Variants in TIMD4 observed in about 807,000 individuals in gnomAD.
TIMD4 encodes T cell immunoglobulin and mucin domain containing 4, also known as T-cell immunoglobulin and mucin domain-containing protein 4.
Under a neutral mutation model 41.2 loss-of-function variants are expected in TIMD4, and 31 were observed. The ratio of observed to expected loss-of-function variants is 0.75; its 90% CI spans 0.57 to 1.01. The LOEUF is 1.01. TIMD4 is among the 50% of genes least tolerant of loss of function. TIMD4 has a pLI of 0.00. For synonymous variants in TIMD4, 204 were observed against 177.1 expected, an observed-to-expected ratio of 1.15 and a Z score of -1.21; for missense variants, 479 against 472.5, an observed-to-expected ratio of 1.01 and a Z score of -0.13.
At chr5:156,960,277 TA>T (rs200459641) in intron 1 of TIMD4, among the ~76,000 whole-genome samples, 14 of 150,726 alleles carry the variant, frequency 9.3e-5, no homozygotes, top group African/African-American at 3.2e-4. Flanking sequence ...ACAAAGACAG[TA>T]AAAAAAAATT....
At chr5:156,946,553 T>C (rs1355177225) in intron 5 of TIMD4, among the ~76,000 whole-genome samples, 1 of 152,130 alleles carries the variant, frequency 6.6e-6, no homozygotes, top group Non-Finnish European at 1.5e-5. Flanking sequence ...CTCGGCTCAC[T>C]GCAAGCTCCG....
At chr5:156,940,600 C>T (rs999739020) in intron 5 of TIMD4, among the ~76,000 whole-genome samples, 2 of 142,684 alleles carry the variant, frequency 1.4e-5, no homozygotes, top group Non-Finnish European at 3.0e-5. Flanking sequence ...CGCCTCTGCC[C>T]GGCCGCCCCG....
chr5:156,936,932 GAAAAAAAAA>G (rs979433463), intron 5 of TIMD4, among the ~76,000 whole-genome samples: 4 of 92,614 alleles, frequency 4.3e-5, no homozygotes, highest in South Asian at 3.8e-4. Context: ...ACTCCGTCTG[GAAAAAAAAA>G]AAAAAAAAAA....
chr5:156,922,069 G>A, intron 7 of TIMD4, 30 bp downstream of exon 7: 1 of 1,572,026 alleles, frequency 6.4e-7, no homozygotes. Flanking sequence ...GGGTTCTGAA[G>A]TGCTCCATCA....
Position 156,951,788 on chromosome 5 carries a change from A to G in TIMD4, c.403T>C (p.Ser135Pro). The change falls in exon 3 of 9, where the codon TCA becomes CCA. Residue 135 changes from serine to proline, a missense_variant and splice_region_variant. By Grantham distance (74) the Ser-to-Pro change is moderately conservative (BLOSUM62 -1). Transcript: ENST00000274532. Reference sequence around the variant, plus strand: ...GTTGCTGTTCTGTGCGTGGTTGTTGAGGCTGTAACCAACAACAGACATGTT... The same window carrying G: ...GTTGCTGTTCTGTGCGTGGTTGTTGGGGCTGTAACCAACAACAGACATGTT... The part of the protein sequence containing the change: ...INVRLNLQRA[S>P]TTTHRTATTT... 1.2e-6 allele frequency: 2 copies of G among 1,613,836 alleles called. No homozygotes were observed. Among genetic ancestry groups the G allele is most frequent in the Non-Finnish European group, 1.7e-6 (2 of 1,179,924 alleles).
chr5:156,956,437 C>T (rs1302770976), intron 1 of TIMD4, among the ~76,000 whole-genome samples: 1 of 152,196 alleles, frequency 6.6e-6, no homozygotes, highest in East Asian at 1.9e-4. Flanking sequence ...CACTTCTCCT[C>T]ATTAGCATGA....
chr5:156,952,537 A>G lies in TIMD4; in HGVS notation c.401-747T>C, dbSNP rs115527457. Among the ~76,000 whole-genome samples the G allele has an allele frequency of 9.2e-3, 1,394 of 152,146 alleles. 21 individuals are homozygous for G. The highest frequency in any genetic ancestry group is 0.031 in the African/African-American group (1,286 of 41,488). On this transcript the variant is annotated intron_variant, in intron 2 of 8. Coordinates refer to ENST00000274532, the MANE Select transcript of TIMD4 (RefSeq NM_138379.3). Reference sequence around the variant, plus strand: ...ATATCAGCAACCTTCCCGCTGCACGAACCTTTGTACCTGCTGCTTCCTATT... The same window carrying G: ...ATATCAGCAACCTTCCCGCTGCACGGACCTTTGTACCTGCTGCTTCCTATT...
At chr5:156,945,293 G>A (rs1759720014) in intron 5 of TIMD4, among the ~76,000 whole-genome samples, 1 of 152,202 alleles carries the variant, frequency 6.6e-6, no homozygotes. Context: ...AAATGGAGGT[G>A]AGGAGATAAT....
chr5:156,936,230 C>T (rs2113359766), intron 5 of TIMD4, among the ~76,000 whole-genome samples: 1 of 152,192 alleles, frequency 6.6e-6, no homozygotes, highest in East Asian at 1.9e-4. Context: ...CAGAACGAGA[C>T]CCCATCTCAA....
chr5:156,937,474 C>T (rs2113361952), intron 5 of TIMD4, among the ~76,000 whole-genome samples: 1 of 152,274 alleles, frequency 6.6e-6, no homozygotes, highest in East Asian at 1.9e-4. Context: ...CCTAGAAACC[C>T]CTCCCTGGCT....
At chr5:156,933,170 A>G (rs1313299884) in intron 5 of TIMD4, among the ~76,000 whole-genome samples, 1 of 152,228 alleles carries the variant, frequency 6.6e-6, no homozygotes, top group Non-Finnish European at 1.5e-5. Flanking sequence ...TGATTTTGAA[A>G]AGAAAAAATT....
At chr5:156,939,057 T>G (rs1759593128) in intron 5 of TIMD4, among the ~76,000 whole-genome samples, 1 of 152,212 alleles carries the variant, frequency 6.6e-6, no homozygotes, top group South Asian at 2.1e-4. Context: ...GGAGGGAGTC[T>G]CCCTTTGCAC....
intron 7 of TIMD4, 67 bp from the exon 8 acceptor site, chr5:156,920,570 G>C (rs1202044534): frequency 1.3e-6 from 2 of 1,533,032 alleles, no homozygotes; most frequent in African/African-American, 2.7e-5. Context: ...AATGCTGGGG[G>C]AATTCCAGTG....
intron 5 of TIMD4, among the ~76,000 whole-genome samples, chr5:156,947,193 G>A (rs778627255): frequency 2.0e-5 from 3 of 149,858 alleles, no homozygotes; most frequent in Non-Finnish European, 4.5e-5. Context: ...GTGAGGCTCT[G>A]TCTCAAAAAA....
intron 5 of TIMD4, among the ~76,000 whole-genome samples, chr5:156,939,494 T>A (rs900413949): frequency 6.6e-6 from 1 of 152,160 alleles, no homozygotes; most frequent in Admixed American, 6.5e-5. Flanking sequence ...TGAATCAGTG[T>A]AGTAATTATT....
At chr5:156,955,913 C>T (rs1376672582) in intron 1 of TIMD4, among the ~76,000 whole-genome samples, 6 of 152,134 alleles carry the variant, frequency 3.9e-5, no homozygotes, top group Non-Finnish European at 5.9e-5. Flanking sequence ...ACATATACAT[C>T]GTAGAAAGAT....
At chr5:156,919,830 C>T (rs55969903) in intron 8 of TIMD4, among the ~76,000 whole-genome samples, 7,333 of 152,196 alleles carry the variant, frequency 0.048, 566 homozygotes, top group African/African-American at 0.17. Flanking sequence ...AAGGTCACCT[C>T]GCTGGGTGTC....
At chr5:156,946,216 C>T (rs987765489) in intron 5 of TIMD4, among the ~76,000 whole-genome samples, 1 of 152,182 alleles carries the variant, frequency 6.6e-6, no homozygotes, top group Non-Finnish European at 1.5e-5. Context: ...TTTCTAGTCA[C>T]TGTCATCTCT....
At chr5:156,927,520 G>C (rs1459778447) in intron 5 of TIMD4, among the ~76,000 whole-genome samples, 1 of 152,182 alleles carries the variant, frequency 6.6e-6, no homozygotes, top group African/African-American at 2.4e-5. Context: ...GGATTCTGTA[G>C]GCAATGGAAA....
Sources: gnomAD v4.1 joint callset for allele counts (sites outside exome capture counted in the v4.1 genomes callset) on GRCh38, gnomAD v4.1.1 for gene constraint, MANE v1.5 for transcripts, NCBI Gene and HGNC (gene_info 2026-07-23, HGNC 2026-07-21) for gene names.